KCMF1: variants seen among roughly 807,000 people sequenced by gnomAD.
The protein encoded by KCMF1 is E3 ubiquitin-protein ligase KCMF1.
KCMF1 carries 3 observed loss-of-function variants against 41.1 expected under a neutral mutation model. The ratio of observed to expected loss-of-function variants is 0.07; its 90% CI spans 0.03 to 0.19. The LOEUF is 0.19. Among genes scored for constraint, KCMF1 ranks in the 10% least tolerant of loss-of-function variants. KCMF1 has a pLI of 1.00. For synonymous variants in KCMF1, 142 were observed against 164.5 expected, an observed-to-expected ratio of 0.86 and a Z score of 1.04; for missense variants, 286 against 488.9, an observed-to-expected ratio of 0.58 and a Z score of 3.91.
rs1479250569 is a variant in KCMF1 at position 85,057,126 on chromosome 2, G to A, written c.*3717G>A. ...TGGGAGGCAGAGGTTGCAGTGAGCTGAGATCACGCCGCCATTGCACTCCAG... is the reference window on the plus strand; with the variant it reads ...TGGGAGGCAGAGGTTGCAGTGAGCTAAGATCACGCCGCCATTGCACTCCAG... On this transcript the variant is annotated 3_prime_UTR_variant, in exon 7 of 7. Coordinates refer to ENST00000409785, the MANE Select transcript of KCMF1 (RefSeq NM_020122.5). 1 of 151,784 alleles carries A rather than the reference G, an allele frequency of 6.6e-6. No homozygotes were observed. The highest frequency in any genetic ancestry group is 6.6e-5 in the Admixed American group (1 of 15,222). The allele number at this position is 151,784 out of a possible 1,614,324, so 9.4% of individuals were successfully genotyped here.
chr2:84,971,503 G>C (rs1673391846), intron 1 of KCMF1, 36 bp downstream of exon 1: 1 of 1,185,206 alleles, frequency 8.4e-7, no homozygotes, highest in East Asian at 4.5e-5. Flanking sequence ...GCACCTCCCG[G>C]GCCTCGGCCT....
intron 1 of KCMF1, among the ~76,000 whole-genome samples, chr2:84,990,139 G>T (rs1674003136): frequency 6.6e-6 from 1 of 152,222 alleles, no homozygotes; most frequent in African/African-American, 2.4e-5. Context: ...GAATAGGGAA[G>T]GTTGTGGAAC....
chr2:84,971,402 C>T lies in KCMF1; in HGVS notation c.-50C>T. On this transcript the variant is annotated 5_prime_UTR_variant, in exon 1 of 7. Transcript: ENST00000409785. The stretch of plus-strand genomic sequence containing the variant: ...GGCAGCGCCGGGACCCCGCGGGGGA[C>T]ACTGCAGCCGGAGCCCGGGAGGGGC... 1.7e-6 allele frequency: 2 copies of T among 1,154,676 alleles called. No homozygotes were observed. The highest frequency in any genetic ancestry group is 1.1e-6 in the Non-Finnish European group (1 of 929,310). The allele number at this position is 1,154,676 out of a possible 1,614,324, so 71.5% of individuals were successfully genotyped here.
intron 1 of KCMF1, among the ~76,000 whole-genome samples, chr2:84,977,520 A>G (rs971415659): frequency 1.3e-5 from 2 of 152,064 alleles, no homozygotes; most frequent in East Asian, 3.9e-4. Flanking sequence ...TCGCAGGCTC[A>G]AAGAATCCTC....
Position 85,057,447 on chromosome 2 carries a change from G to A in KCMF1, c.*4038G>A, listed in dbSNP as rs1675962233. The A allele has an allele frequency of 6.6e-6, 1 of 152,220 alleles. No homozygotes were observed. The highest frequency in any genetic ancestry group is 1.5e-5 in the Non-Finnish European group (1 of 68,072). 9.4% of individuals were successfully genotyped at this position (152,220 alleles called of 1,614,324 possible). A position where few individuals can be genotyped will look rare whatever the true frequency, so the allele number is the denominator to read the frequency against. Reference sequence around the variant, plus strand: ...CCTGGCCTGGAGTGGGTAGAGGTTAGGGTTAGAGTGCAGGATGGAGCAGCA... The same window carrying A: ...CCTGGCCTGGAGTGGGTAGAGGTTAAGGTTAGAGTGCAGGATGGAGCAGCA... On this transcript the variant is annotated 3_prime_UTR_variant, in exon 7 of 7. Transcript: ENST00000409785.
At chr2:85,039,425 T>C (rs1326183325) in intron 3 of KCMF1, among the ~76,000 whole-genome samples, 1 of 152,130 alleles carries the variant, frequency 6.6e-6, no homozygotes, top group Admixed American at 6.5e-5. Flanking sequence ...TGTGTGGAGC[T>C]GTTGTTTTTA....
chr2:85,052,055 T>C (rs1007847408), intron 6 of KCMF1, among the ~76,000 whole-genome samples: 1 of 152,202 alleles, frequency 6.6e-6, no homozygotes, highest in Non-Finnish European at 1.5e-5. Flanking sequence ...AAAGTGATTA[T>C]TGGAGTGTGT....
intron 1 of KCMF1, among the ~76,000 whole-genome samples, chr2:84,993,902 TTTTTGTTTTGTTTTGTTTTG>T (rs199701778): frequency 0.037 from 4,985 of 135,370 alleles, 214 homozygotes; most frequent in African/African-American, 0.1. Flanking sequence ...GTTTGAACAT[TTTTTGTTTTGTTTTGTTTTG>T]TTTTGTTTTG....
At chr2:85,003,459 C>T (rs1025860204) in intron 1 of KCMF1, among the ~76,000 whole-genome samples, 1 of 151,704 alleles carries the variant, frequency 6.6e-6, no homozygotes, top group African/African-American at 2.4e-5. Context: ...GCCTGGGCGA[C>T]AGAGTGAGAC....
intron 5 of KCMF1, among the ~76,000 whole-genome samples, chr2:85,047,842 A>G (rs1213021263): frequency 2.0e-5 from 3 of 152,196 alleles, no homozygotes; most frequent in Non-Finnish European, 2.9e-5. Flanking sequence ...GGAAGCCATG[A>G]GCACCCTGCA....
Position 85,004,250 on chromosome 2 carries a change from A to G in KCMF1, c.17-23639A>G, listed in dbSNP as rs572815489. Among the ~76,000 whole-genome samples the G allele has an allele frequency of 5.9e-5, 9 of 152,124 alleles. No homozygotes were observed. In the Middle Eastern group the frequency reaches 0.01, roughly 172 times the overall value. On this transcript the variant is annotated intron_variant, in intron 1 of 6. Coordinates refer to ENST00000409785, the MANE Select transcript of KCMF1 (RefSeq NM_020122.5). ...TTTGGGGCGGGGCGTGGTGGCTCACACCTGTAATCCCAGCACTTTGGGAGG... is the reference window on the plus strand; with the variant it reads ...TTTGGGGCGGGGCGTGGTGGCTCACGCCTGTAATCCCAGCACTTTGGGAGG...
intron 3 of KCMF1, among the ~76,000 whole-genome samples, chr2:85,038,782 G>T (rs1675459890): frequency 6.6e-6 from 1 of 152,092 alleles, no homozygotes; most frequent in South Asian, 2.1e-4. Flanking sequence ...AAATCCCTTG[G>T]CATAATAAGC....
intron 1 of KCMF1, among the ~76,000 whole-genome samples, chr2:84,985,530 A>G (rs1190031275): frequency 6.6e-6 from 1 of 152,112 alleles, no homozygotes; most frequent in Non-Finnish European, 1.5e-5. Flanking sequence ...CCTAGTTTGA[A>G]TGTAAAACCC....
At chr2:85,000,182 G>A (rs911301502) in intron 1 of KCMF1, among the ~76,000 whole-genome samples, 2 of 152,138 alleles carry the variant, frequency 1.3e-5, no homozygotes, top group Non-Finnish European at 2.9e-5. Flanking sequence ...CTGGAGTGCA[G>A]TGGCACAGTC....
chr2:85,049,283 T>A (rs1051230344), intron 5 of KCMF1, 83 bp from the exon 6 acceptor site: 8 of 1,374,414 alleles, frequency 5.8e-6, no homozygotes, highest in African/African-American at 2.9e-5. Context: ...GCTTTTGATG[T>A]TGTTCCAGTA....
At chr2:84,997,414 G>A (rs1183740500) in intron 1 of KCMF1, among the ~76,000 whole-genome samples, 8 of 152,042 alleles carry the variant, frequency 5.3e-5, no homozygotes, top group South Asian at 2.1e-4. Context: ...CTAAAAAGGC[G>A]GTTACCATGC....
At chr2:84,994,190 C>T (rs551895522) in intron 1 of KCMF1, among the ~76,000 whole-genome samples, 4 of 152,066 alleles carry the variant, frequency 2.6e-5, no homozygotes, top group Non-Finnish European at 5.9e-5. Flanking sequence ...CCCTGTGATC[C>T]GCCCATCTCG....
chr2:85,023,523 G>A (rs764977639), intron 1 of KCMF1, among the ~76,000 whole-genome samples: 3 of 151,654 alleles, frequency 2.0e-5, no homozygotes, highest in Non-Finnish European at 4.4e-5. Flanking sequence ...GGGTTTCACC[G>A]TGTTAGCCAG....
chr2:85,031,674 G>T (rs1451770383), intron 2 of KCMF1, among the ~76,000 whole-genome samples: 2 of 152,168 alleles, frequency 1.3e-5, no homozygotes, highest in African/African-American at 4.8e-5. Context: ...AGTTTATTAG[G>T]ATATAACCCC....
Sources: allele counts gnomAD v4.1 joint callset (sites outside exome capture counted in the v4.1 genomes callset), GRCh38; gene constraint gnomAD v4.1.1; transcripts MANE v1.5; gene names NCBI Gene and HGNC (gene_info 2026-07-23, HGNC 2026-07-21).